The following TENM3 variants were observed in gnomAD, a reference collection of about 807,000 sequenced individuals.
TENM3 encodes the protein teneurin-3.
TENM3 carries 63 observed loss-of-function variants against 255.1 expected under a neutral mutation model. The observed-to-expected ratio is 0.25, with a 90% CI of 0.20 to 0.30. The LOEUF is 0.30. Ranked by LOEUF, TENM3 falls within the 10% of genes least tolerant of loss-of-function variation. The pLI is 1.00. For synonymous variants in TENM3, 1,306 were observed against 1,322.3 expected, an observed-to-expected ratio of 0.99 and a Z score of 0.27; for missense variants, 2,929 against 3,461.1, an observed-to-expected ratio of 0.85 and a Z score of 3.86.
At chr4:182,279,858 C>T (rs1000032420) in intron 1 of TENM3, among the ~76,000 whole-genome samples, 1 of 152,132 alleles carries the variant, frequency 6.6e-6, no homozygotes, top group Non-Finnish European at 1.5e-5. Context: ...CTGCTGGGCC[C>T]TAAGGGTTTC....
the TENM3 span, among the ~76,000 whole-genome samples, chr4:181,836,689 A>T: frequency 0.55 from 83,664 of 152,030 alleles, 24,610 homozygotes; most frequent in East Asian, 0.74. Flanking sequence ...CCTCACTGAT[A>T]AAGCCAGTGC....
chr4:182,647,943 T>G (rs1335798487), intron 5 of TENM3, among the ~76,000 whole-genome samples: 1 of 152,176 alleles, frequency 6.6e-6, no homozygotes, highest in Non-Finnish European at 1.5e-5. Flanking sequence ...GAGCTGACAG[T>G]CATCACCACA....
At chr4:181,625,664 A>T in the TENM3 span, among the ~76,000 whole-genome samples, 1 of 152,040 alleles carries the variant, frequency 6.6e-6, no homozygotes, top group Admixed American at 6.5e-5. Context: ...TACAAAAAAA[A>T]TTAGCCGGGT....
At chr4:181,905,033 G>T in the TENM3 span, among the ~76,000 whole-genome samples, 1 of 152,106 alleles carries the variant, frequency 6.6e-6, no homozygotes, top group Non-Finnish European at 1.5e-5. Context: ...GGCCTCCCCA[G>T]CCACATGGAA....
At chr4:182,311,073 C>G (rs1325914429) in intron 1 of TENM3, among the ~76,000 whole-genome samples, 1 of 152,224 alleles carries the variant, frequency 6.6e-6, no homozygotes, top group African/African-American at 2.4e-5. Context: ...CCTTTGATAA[C>G]TGAACCACAT....
At chr4:182,291,837 T>C (rs1210311729) in intron 1 of TENM3, among the ~76,000 whole-genome samples, 2 of 152,054 alleles carry the variant, frequency 1.3e-5, no homozygotes, top group Non-Finnish European at 2.9e-5. Flanking sequence ...CATGGCATAT[T>C]GTCTCCAGGC....
At chr4:182,282,894 G>GA (rs35385277) in intron 1 of TENM3, among the ~76,000 whole-genome samples, 2,925 of 70,730 alleles carry the variant, frequency 0.041, 57 homozygotes, top group African/African-American at 0.079. Flanking sequence ...CTCCATTTCA[G>GA]AAAAAAAAAA....
At chr4:182,756,895 G>C (rs1579364829) in intron 22 of TENM3, among the ~76,000 whole-genome samples, 1 of 152,122 alleles carries the variant, frequency 6.6e-6, no homozygotes, top group Non-Finnish European at 1.5e-5. Context: ...GGAAGTTAAT[G>C]GAAAGCACTT....
intron 1 of TENM3, among the ~76,000 whole-genome samples, chr4:182,199,772 C>G (rs1292836464): frequency 7.5e-6 from 1 of 132,510 alleles, no homozygotes; most frequent in African/African-American, 2.9e-5. Flanking sequence ...GTCGCCTAGG[C>G]TGGAGTGCAG....
chr4:182,144,559 A>G (rs1428457134), upstream of TENM3: 1 of 147,656 alleles, frequency 6.8e-6, no homozygotes, highest in Admixed American at 6.7e-5. Context: ...GGGGGCGGGC[A>G]GGGAAGGAAG....
chr4:182,472,664 T>G (rs1733245328), intron 3 of TENM3, among the ~76,000 whole-genome samples: 1 of 152,148 alleles, frequency 6.6e-6, no homozygotes, highest in Non-Finnish European at 1.5e-5. Context: ...TAAAAATAAT[T>G]GCAAAGGATT....
At chr4:182,798,926 C>A (rs923477098) in intron 27 of TENM3, among the ~76,000 whole-genome samples, 4 of 152,120 alleles carry the variant, frequency 2.6e-5, no homozygotes, top group African/African-American at 9.7e-5. Flanking sequence ...AGTTAAGATG[C>A]CCCCAATTTA....
chr4:182,540,825 A>G (rs529915537), intron 3 of TENM3, among the ~76,000 whole-genome samples: 2 of 152,320 alleles, frequency 1.3e-5, no homozygotes, highest in Admixed American at 1.3e-4. Flanking sequence ...GGAACTGCAT[A>G]TGCTAACAGA....
intron 1 of TENM3, among the ~76,000 whole-genome samples, chr4:182,287,653 A>G (rs796619238): frequency 2.6e-5 from 4 of 151,478 alleles, no homozygotes; most frequent in Non-Finnish European, 2.9e-5. Flanking sequence ...TCGCTCTGAC[A>G]CCCAGGCTGG....
intron 3 of TENM3, among the ~76,000 whole-genome samples, chr4:182,582,611 CA>C (rs61085703): frequency 4.7e-5 from 7 of 149,154 alleles, no homozygotes; most frequent in African/African-American, 7.4e-5. Context: ...ACCAACAAAA[CA>C]AAAAAAAACA....
chr4:181,723,308 C>T, the TENM3 span, among the ~76,000 whole-genome samples: 1 of 150,502 alleles, frequency 6.6e-6, no homozygotes, highest in Non-Finnish European at 1.5e-5. Flanking sequence ...CTTAGAATCT[C>T]CATTCGTTAT....
intron 5 of TENM3, among the ~76,000 whole-genome samples, chr4:182,649,934 TACATCTTTTGTCATCAGAAGGTC>T (rs1310073743): frequency 2.0e-5 from 3 of 150,576 alleles, no homozygotes; most frequent in African/African-American, 7.3e-5. Context: ...TATGTGGTGA[TACATCTTTTGTCATCAGAAGGTC>T]GGGGTTTGAG....
At chr4:181,857,525 G>A in the TENM3 span, among the ~76,000 whole-genome samples, 41 of 126,804 alleles carry the variant, frequency 3.2e-4, no homozygotes, top group African/African-American at 9.6e-4. Context: ...GACAAGCCTA[G>A]CCAACATAGT....
intron 6 of TENM3, among the ~76,000 whole-genome samples, chr4:182,667,174 T>TTTTG: frequency 6.7e-6 from 1 of 149,976 alleles, no homozygotes. Flanking sequence ...AGTTACCATT[T>TTTTG]TTTTGTTTTG....
Sources: gnomAD v4.1 joint callset for allele counts (sites outside exome capture counted in the v4.1 genomes callset) on GRCh38, gnomAD v4.1.1 for gene constraint, MANE v1.5 for transcripts, NCBI Gene and HGNC (gene_info 2026-07-23, HGNC 2026-07-21) for gene names.